The following ARID1B variants were observed in gnomAD, a reference collection of about 807,000 sequenced individuals.
ARID1B encodes the protein AT-rich interactive domain-containing protein 1B.
ARID1B carries 30 observed loss-of-function variants against 212.3 expected under a neutral mutation model. The observed-to-expected ratio is 0.14, with a 90% CI of 0.11 to 0.19. The LOEUF is 0.19. ARID1B is among the 10% of genes least tolerant of loss of function. The pLI is 1.00. For synonymous variants in ARID1B, 1,402 were observed against 1,301.7 expected, an observed-to-expected ratio of 1.08 and a Z score of -1.66; for missense variants, 2,891 against 3,204.0, an observed-to-expected ratio of 0.90 and a Z score of 2.36.
chr6:156,886,302 C>T (rs1399435857), intron 2 of ARID1B, among the ~76,000 whole-genome samples: 1 of 152,222 alleles, frequency 6.6e-6, no homozygotes, highest in Non-Finnish European at 1.5e-5. Context: ...AAGTGATTCT[C>T]TTGCCTCAGC....
In ARID1B at chr6:157,208,721, T is replaced by C; in HGVS notation, c.*830T>C. 3 of 228,110 alleles carry C rather than the reference T, an allele frequency of 1.3e-5. No homozygotes were observed. Among genetic ancestry groups the C allele is most frequent in the East Asian group, 6.2e-5 (1 of 16,128 alleles). The allele number at this position is 228,110 out of a possible 1,614,324, so 14.1% of individuals were successfully genotyped here. A position where few individuals can be genotyped will look rare whatever the true frequency, so the allele number is the denominator to read the frequency against. Reference sequence around the variant, plus strand: ...ACCCTCATTTTTTTCTTTTCTTTTTTTTTTTTTTTTTTAGTACAAAGTTTT... The same window carrying C: ...ACCCTCATTTTTTTCTTTTCTTTTTCTTTTTTTTTTTTAGTACAAAGTTTT... On this transcript the variant is annotated 3_prime_UTR_variant, in exon 20 of 20. Transcript: ENST00000636930.
At chr6:157,067,264 C>G (rs1313695180) in intron 4 of ARID1B, among the ~76,000 whole-genome samples, 1 of 152,196 alleles carries the variant, frequency 6.6e-6, no homozygotes. Flanking sequence ...GAACCAAGTT[C>G]GAGTCACAAA....
chr6:157,146,148 G>C (rs768667890), intron 7 of ARID1B, among the ~76,000 whole-genome samples: 2 of 151,928 alleles, frequency 1.3e-5, no homozygotes, highest in African/African-American at 4.8e-5. Flanking sequence ...CCATTAAGCC[G>C]GTGTCCCCAG....
chr6:157,196,960 C>G (rs1793771669), intron 16 of ARID1B, among the ~76,000 whole-genome samples: 1 of 152,142 alleles, frequency 6.6e-6, no homozygotes, highest in Non-Finnish European at 1.5e-5. Context: ...AGCTGCAGGA[C>G]TGATGATGCA....
rs531450818 is a variant in ARID1B at position 157,105,334 on chromosome 6, A to C, written c.2492-5138A>C. The stretch of plus-strand genomic sequence containing the variant: ...CTGATAAATTTGACAACATTAAAAA[A>C]AATTTCCGCTACAAAAGACACCGTA... On this transcript the variant is annotated intron_variant, in intron 5 of 19. Coordinates refer to ENST00000636930, the MANE Select transcript of ARID1B (RefSeq NM_001374828.1). Among the ~76,000 whole-genome samples, 3 of 152,346 alleles carry C rather than the reference A, an allele frequency of 2.0e-5. No homozygotes were observed. The East Asian group carries it at 5.8e-4, about 29-fold the overall frequency.
At chr6:157,063,237 G>T (rs73581983) in intron 4 of ARID1B, among the ~76,000 whole-genome samples, 4,055 of 152,088 alleles carry the variant, frequency 0.027, 194 homozygotes, top group East Asian at 0.22. Context: ...ATGCCAGTGT[G>T]AAATGTTGAG....
At chr6:156,937,253 A>G (rs906561689) in intron 4 of ARID1B, 7 of 152,194 alleles carry the variant, frequency 4.6e-5, no homozygotes, top group African/African-American at 1.4e-4. Context: ...TGCTGTCGAT[A>G]AATACTACAT....
intron 1 of ARID1B, among the ~76,000 whole-genome samples, chr6:156,815,726 A>G (rs528358427): frequency 1.3e-5 from 2 of 152,360 alleles, no homozygotes; most frequent in East Asian, 3.9e-4. Context: ...CTAAGGATAT[A>G]TGACCAGCAT....
rs1554254427 is a variant in ARID1B at position 156,812,974 on chromosome 6, G to GTGTGTGTA, written c.1792-16250_1792-16249insGTGTATGT. Among the ~76,000 whole-genome samples the GTGTGTGTA allele has an allele frequency of 8.3e-5, 7 of 84,520 alleles. No individual in the cohort carries two copies. The East Asian group carries it at 2.0e-3, about 25-fold the overall frequency. 55.4% of individuals were successfully genotyped at this position (84,520 alleles called of 152,430 possible). On this transcript the variant is annotated intron_variant, in intron 1 of 19. Coordinates refer to ENST00000636930, the MANE Select transcript of ARID1B (RefSeq NM_001374828.1). ...TGTGTGTGTGTGTGTGTGTGTGTGT[G>GTGTGTGTA]TGTATGTATATACATACGTATGTAT...
chr6:156,827,587 C>G (rs147238372), intron 1 of ARID1B, among the ~76,000 whole-genome samples: 310 of 152,274 alleles, frequency 2.0e-3, no homozygotes, highest in African/African-American at 6.9e-3. Context: ...TCAGCATCTT[C>G]GTAAATTCGT....
intron 1 of ARID1B, among the ~76,000 whole-genome samples, chr6:156,818,929 A>C (rs1049768488): frequency 6.6e-6 from 1 of 151,834 alleles, no homozygotes; most frequent in African/African-American, 2.4e-5. Flanking sequence ...GATGATAATA[A>C]AATCTATCCT....
intron 5 of ARID1B, among the ~76,000 whole-genome samples, chr6:157,105,584 A>G (rs1786405510): frequency 1.3e-5 from 2 of 152,196 alleles, no homozygotes; most frequent in South Asian, 4.1e-4. Context: ...ATTCAGAATC[A>G]GTAAGACTGG....
intron 5 of ARID1B, among the ~76,000 whole-genome samples, chr6:157,096,648 C>G (rs1785654315): frequency 6.6e-6 from 1 of 152,232 alleles, no homozygotes; most frequent in African/African-American, 2.4e-5. Context: ...GAGAGCTTAG[C>G]CGTGCCCAGG....
chr6:156,894,873 G>A (rs904751961), intron 2 of ARID1B, among the ~76,000 whole-genome samples: 6 of 152,164 alleles, frequency 3.9e-5, no homozygotes, highest in East Asian at 1.9e-4. Context: ...AGCTCTTAAC[G>A]TTTCCATTGA....
chr6:156,992,818 G>C (rs1012144522), intron 4 of ARID1B, among the ~76,000 whole-genome samples: 3 of 152,128 alleles, frequency 2.0e-5, no homozygotes, highest in African/African-American at 7.2e-5. Context: ...CAGCATTGGA[G>C]GGAGCCGCCG....
chr6:156,910,968 AG>A (rs891488765), intron 3 of ARID1B, among the ~76,000 whole-genome samples: 1 of 152,244 alleles, frequency 6.6e-6, no homozygotes, highest in Non-Finnish European at 1.5e-5. Context: ...ATGAAAAGAA[AG>A]AAGTATATAA....
intron 8 of ARID1B, among the ~76,000 whole-genome samples, chr6:157,154,568 GTTTTTTTTTTTGTTT>G (rs1790427854): frequency 8.4e-6 from 1 of 118,508 alleles, no homozygotes; most frequent in Non-Finnish European, 1.8e-5. Context: ...CTGCTCTTCT[GTTTTTTTTTTTGTTT>G]TTTTTTTTTT....
chr6:157,004,906 T>TG (rs1779140862), intron 4 of ARID1B, among the ~76,000 whole-genome samples: 1 of 108,676 alleles, frequency 9.2e-6, no homozygotes, highest in Non-Finnish European at 1.8e-5. Flanking sequence ...TCTTTTTTTT[T>TG]TTTTTTTTTT....
At chr6:157,114,103 C>T (rs995010806) in intron 6 of ARID1B, among the ~76,000 whole-genome samples, 10 of 152,318 alleles carry the variant, frequency 6.6e-5, no homozygotes, top group Middle Eastern at 3.4e-3. Context: ...AAAATTCATT[C>T]CCCCATATTG....
Sources: gnomAD v4.1 joint callset for allele counts (sites outside exome capture counted in the v4.1 genomes callset) on GRCh38, gnomAD v4.1.1 for gene constraint, MANE v1.5 for transcripts, NCBI Gene and HGNC (gene_info 2026-07-23, HGNC 2026-07-21) for gene names.